Variants in DNHD1 observed in about 807,000 individuals in gnomAD.
DNHD1 encodes dynein heavy chain domain 1.
DNHD1 carries 383 observed loss-of-function variants against 458.1 expected under a neutral mutation model. That is an observed-to-expected ratio of 0.84 (90% CI 0.77 to 0.91). The LOEUF (loss-of-function observed/expected upper bound fraction) is 0.91, where lower values mean the gene tolerates loss of function less well. DNHD1 is among the 40% of genes least tolerant of loss of function. The pLI is 0.00. For missense variants in DNHD1, 5,336 were observed against 5,866.1 expected (o/e 0.91, Z 2.95); for synonymous variants, 2,203 against 2,376.9 (o/e 0.93, Z 2.13).
At chr11:6,514,452 CCTCT>C in intron 7 of DNHD1, among the ~76,000 whole-genome samples, 1 of 150,608 alleles carries the variant, frequency 6.6e-6, no homozygotes, top group East Asian at 2.0e-4. Flanking sequence ...CTTTTCCCTC[CCTCT>C]CTCTCTCCTC....
rs1853259680 is a variant in DNHD1 at position 6,547,956 on chromosome 11, C to T, written c.6821C>T (p.Pro2274Leu). 15 of 1,551,834 alleles carry T rather than the reference C, an allele frequency of 9.7e-6. No homozygotes were observed. The highest frequency in any genetic ancestry group is 1.2e-5 in the Non-Finnish European group (14 of 1,147,040). ...NRSQVDSDDV[P>L]DKCREHLLAV... is the part of the protein sequence containing the mutation. ...TCCCAGGTTGACAGTGACGATGTGC[C>T]AGATAAGTGCAGGGAACACTTGCTG... is the stretch of plus-strand genomic sequence containing the variant. The change falls in exon 22 of 43, where the codon CCA (proline) becomes CTA (leucine). Residue 2274 changes from proline to leucine, a missense_variant. Transcript: ENST00000254579.
In DNHD1 at chr11:6,544,252, T is replaced by A. The variant is rs1416724896; in HGVS notation, c.3754+6T>A. 2.6e-5 allele frequency: 40 copies of A among 1,551,330 alleles called. No individual in the cohort carries two copies. Among genetic ancestry groups the A allele is most frequent in the Non-Finnish European group, 3.4e-5 (39 of 1,146,940 alleles). On this transcript the variant is annotated splice_donor_region_variant and intron_variant, in intron 19 of 42. Transcript: ENST00000254579. ...GGCCATCATGCATGGCCTGGGTAAG[T>A]GCAGGCCTCTAGCCAGGCTGATGGG...
chr11:6,537,042 C>G (rs907150184), intron 14 of DNHD1, among the ~76,000 whole-genome samples: 1 of 152,172 alleles, frequency 6.6e-6, no homozygotes, highest in African/African-American at 2.4e-5. Flanking sequence ...TGAGGCCCAG[C>G]ATTTGGGTGT....
In DNHD1 at chr11:6,533,746, C is replaced by A; in HGVS notation, c.2571C>A (p.His857Gln). Residue 857 changes from histidine (H) to glutamine (Q), a missense_variant, in exon 14 of 43, where the codon CAC (histidine) becomes CAA (glutamine). Coordinates refer to ENST00000254579, the MANE Select transcript of DNHD1 (RefSeq NM_144666.3). ...EERMEYVRAL[H>Q]ELIRNHFSLF... ...GAATGGAATACGTACGGGCACTCCACGAACTCATCCGCAACCACTTTAGCC... is the reference window on the plus strand; with the variant it reads ...GAATGGAATACGTACGGGCACTCCAAGAACTCATCCGCAACCACTTTAGCC... 6.4e-7 allele frequency: 1 copy of A among 1,551,458 alleles called. No individual in the cohort carries two copies.
chr11:6,538,846 A>G (rs1217475403), intron 16 of DNHD1, 36 bp downstream of exon 16: 1 of 1,465,736 alleles, frequency 6.8e-7, no homozygotes, highest in African/African-American at 1.4e-5. Context: ...GGGGAAAGGG[A>G]AATATGTGAG....
In DNHD1 at chr11:6,520,229, G is replaced by T. The variant is rs769363993; in HGVS notation, c.1786-9G>T. ...CATTTCTGCCCCTTCTCCATATCCT[G>T]GCATGAAGGTAGTGCAGTCTGCAGA... On this transcript the variant is annotated splice_polypyrimidine_tract_variant and intron_variant, in intron 9 of 42. Transcript: ENST00000254579. 39 of 1,559,256 alleles carry T rather than the reference G, an allele frequency of 2.5e-5. 1 individual carries two copies. In the Admixed American group the frequency reaches 7.2e-4, roughly 29 times the overall value.
At chr11:6,535,956 A>G (rs1164131023) in intron 14 of DNHD1, among the ~76,000 whole-genome samples, 1 of 152,234 alleles carries the variant, frequency 6.6e-6, no homozygotes, top group African/African-American at 2.4e-5. Context: ...TGGAGAAATC[A>G]GACAATAATT....
At chr11:6,521,014 TACACCAG>T in intron 10 of DNHD1, 1 of 307,184 alleles carries the variant, frequency 3.3e-6, no homozygotes. Context: ...TTACAAATTA[TACACCAG>T]TTGGGGCACA....
chr11:6,570,379 C>T lies in DNHD1; in HGVS notation c.13088C>T (p.Thr4363Met), dbSNP rs369868302. 6.4e-5 allele frequency: 103 copies of T among 1,609,512 alleles called. No homozygotes were observed. The African/African-American group carries it at 9.7e-4, about 15-fold the overall frequency. Reference sequence around the variant, plus strand: ...CACACACCTCAGTCTTTGCTGGCCACGCTCATGCCCCTCCCAGGTAAGCCT... The same window carrying T: ...CACACACCTCAGTCTTTGCTGGCCATGCTCATGCCCCTCCCAGGTAAGCCT... The part of the protein sequence containing the change: ...QPHTPQSLLA[T>M]LMPLPELREL... The change falls in exon 41 of 43, where the codon ACG (threonine) becomes ATG (methionine). Residue 4363 changes from threonine (T) to methionine (M), a missense_variant. Thr to Met is a moderately conservative substitution (Grantham distance 81). Transcript: ENST00000254579.
Position 6,546,705 on chromosome 11 carries a change from G to A in DNHD1, c.5766G>A (p.Gly1922=). ...LRSPLFSILN[G]LHLHNLRGLL... Reference sequence around the variant, plus strand: ...CACCACTGTTTAGCATTCTCAATGGGCTCCACCTGCACAACCTCCGAGGGC... The same window carrying A: ...CACCACTGTTTAGCATTCTCAATGGACTCCACCTGCACAACCTCCGAGGGC... The change falls in exon 21 of 43, where the codon GGG becomes GGA. Residue 1922 remains glycine (G), a synonymous_variant. Coordinates refer to ENST00000254579, the MANE Select transcript of DNHD1 (RefSeq NM_144666.3). 1 of 1,551,322 alleles carries A rather than the reference G, an allele frequency of 6.4e-7. No individual in the cohort carries two copies. The highest frequency in any genetic ancestry group is 8.7e-7 in the Non-Finnish European group (1 of 1,146,876).
intron 10 of DNHD1, among the ~76,000 whole-genome samples, chr11:6,525,770 T>C (rs1465389366): frequency 6.6e-6 from 1 of 152,242 alleles, no homozygotes; most frequent in African/African-American, 2.4e-5. Flanking sequence ...TATGTTACTA[T>C]GTTTTCTTAG....
rs1169336286 is a variant in DNHD1 at position 6,509,043 on chromosome 11, C to T, written c.1084C>T (p.Pro362Ser). ...CVLWQQLQFIPFFKYCLLRKS... is the reference protein window; with the variant it reads ...CVLWQQLQFISFFKYCLLRKS... ...TCTCTGGCAGCAGCTCCAGTTCATT[C>T]CATTCTTTAAGTATTGCCTCTTACG... Residue 362 changes from proline (P) to serine (S), a missense_variant, in exon 5 of 43, where the codon CCA becomes TCA. This residue lies in a region of DNHD1 where 3,932 missense variants were observed against 4,365.6 expected (regional missense o/e 0.90). Coordinates refer to ENST00000254579, the MANE Select transcript of DNHD1 (RefSeq NM_144666.3). The T allele has an allele frequency of 6.2e-7, 1 of 1,614,074 alleles. No homozygotes were observed. The highest frequency in any genetic ancestry group is 2.2e-5 in the East Asian group (1 of 44,900).
Position 6,558,122 on chromosome 11 carries a change from C to A in DNHD1, c.8827C>A (p.Leu2943Met). 2 of 1,551,710 alleles carry A rather than the reference C, an allele frequency of 1.3e-6. No homozygotes were observed. ...HAGMLSQPVA[L>M]LVPSGVDLTT... ...TGGCATGTTAAGCCAGCCAGTGGCT[C>A]TGTTGGTACCCAGTGGTGTGGATCT... The change falls in exon 25 of 43, where the codon CTG becomes ATG. Residue 2943 changes from leucine (L) to methionine (M), a missense_variant. By Grantham distance (15) the Leu-to-Met change is conservative. Transcript: ENST00000254579.
At chr11:6,558,453 G>C (rs1358427408) in intron 25 of DNHD1, 32 bp from the exon 26 acceptor site, 13 of 1,550,112 alleles carry the variant, frequency 8.4e-6, no homozygotes, top group Non-Finnish European at 1.1e-5. Context: ...CAAAGGTAAA[G>C]GGGAGGACAT....
chr11:6,569,925 A>G (rs1190212357), intron 39 of DNHD1, 84 bp from the exon 40 acceptor site: 7 of 1,155,490 alleles, frequency 6.1e-6, no homozygotes, highest in African/African-American at 1.5e-5. Context: ...AGCTCAGGAG[A>G]GAGGTTTGAA....
At chr11:6,532,757 C>T (rs1852853639) in intron 12 of DNHD1, among the ~76,000 whole-genome samples, 1 of 152,116 alleles carries the variant, frequency 6.6e-6, no homozygotes, top group Non-Finnish European at 1.5e-5. Flanking sequence ...TGTGATTGCT[C>T]ATTTGTATGT....
chr11:6,558,871 C>A (rs553271272), intron 26 of DNHD1, 31 bp from the exon 27 acceptor site: 29 of 1,549,942 alleles, frequency 1.9e-5, no homozygotes, highest in African/African-American at 1.5e-4. Context: ...TACAAGCTCA[C>A]AGAGTGAGGC....
chr11:6,557,516 G>A lies in DNHD1; in HGVS notation c.8221G>A (p.Val2741Ile), dbSNP rs747753873. 11 of 1,551,760 alleles carry A rather than the reference G, an allele frequency of 7.1e-6. No homozygotes were observed. The highest frequency in any genetic ancestry group is 3.6e-5 in the South Asian group (3 of 84,060). ...EEPYGLQVARVSNSRDPSLTP... is the reference protein window; with the variant it reads ...EEPYGLQVARISNSRDPSLTP... ...ACCTTATGGCCTTCAGGTCGCCAGAGTCTCAAACTCCAGAGATCCAAGTCT... is the reference window on the plus strand; with the variant it reads ...ACCTTATGGCCTTCAGGTCGCCAGAATCTCAAACTCCAGAGATCCAAGTCT... The change falls in exon 25 of 43, where the codon GTC (valine) becomes ATC (isoleucine). Residue 2741 changes from valine to isoleucine, a missense_variant. Coordinates refer to ENST00000254579, the MANE Select transcript of DNHD1 (RefSeq NM_144666.3).
In DNHD1 at chr11:6,563,779, T is replaced by C. The variant is rs1375666725; in HGVS notation, c.9939T>C (p.Asp3313=). The part of the protein sequence containing the change: ...HLILKAPGMD[D]AALRAVSRPA... ...TTCTGAAGGCTCCAGGTATGGACGA[T>C]GCAGCCCTGCGGGCAGTGAGCCGAC... Residue 3313 remains aspartate, a synonymous_variant, in exon 31 of 43, where the codon GAT becomes GAC. Coordinates refer to ENST00000254579, the MANE Select transcript of DNHD1 (RefSeq NM_144666.3). 1 of 1,551,666 alleles carries C rather than the reference T, an allele frequency of 6.4e-7. No individual in the cohort carries two copies. Among genetic ancestry groups the C allele is most frequent in the East Asian group, 2.4e-5 (1 of 40,924 alleles).
Sources: gnomAD v4.1 joint callset for allele counts (sites outside exome capture counted in the v4.1 genomes callset) on GRCh38, gnomAD v4.1.1 for gene constraint, gnomAD v4.1.1 regional missense constraint, MANE v1.5 for transcripts, NCBI Gene and HGNC (gene_info 2026-07-23, HGNC 2026-07-21) for gene names.